Variants in GPR143 observed in about 807,000 individuals in gnomAD.
GPR143 encodes G-protein coupled receptor 143.
In GPR143, 8 loss-of-function variants were observed where a neutral mutation model predicts 27.6. That is an observed-to-expected ratio of 0.29 (90% CI 0.17 to 0.52). The LOEUF is 0.52. Ranked by LOEUF, GPR143 falls within the 20% of genes least tolerant of loss-of-function variation. GPR143 has a pLI of 0.96. For missense variants in GPR143, 303 were observed against 343.1 expected, an observed-to-expected ratio of 0.88 and a Z score of 0.92; for synonymous variants, 156 against 153.2, an observed-to-expected ratio of 1.02 and a Z score of -0.13.
Position 9,746,137 on chromosome X carries a change from C to G in GPR143, c.565G>C (p.Asp189His), listed in dbSNP as rs2083427663. 1 of 1,183,607 alleles carries G rather than the reference C, an allele frequency of 8.4e-7. No homozygotes were observed. The highest frequency in any genetic ancestry group is 3.0e-5 in the East Asian group (1 of 33,652). ...GTGACATAGTGGGGGATGGCGTGGT[C>G]CAGGCCCCGCTCACACCTGAGAGAG... ...PSVSRCERGL[D>H]HAIPHYVTMY... is the part of the protein sequence containing the mutation. The change falls in exon 5 of 9, where the codon GAC becomes CAC. Residue 189 changes from aspartate to histidine, a missense_variant. Coordinates refer to ENST00000467482, the MANE Select transcript of GPR143 (RefSeq NM_000273.3).
chrX:9,764,504 G>GCACACA (rs201690882), intron 1 of GPR143, among the ~76,000 whole-genome samples: 88 of 99,092 alleles, frequency 8.9e-4, no homozygotes, highest in East Asian at 2.7e-3. Context: ...TTACACACGC[G>GCACACA]CACACACACA....
intron 8 of GPR143, among the ~76,000 whole-genome samples, chrX:9,736,956 T>A (rs772273405): frequency 1.2e-4 from 13 of 111,985 alleles, no homozygotes; most frequent in African/African-American, 4.2e-4. Flanking sequence ...CCCACTCAGC[T>A]CCTAGTACAC....
intron 8 of GPR143, among the ~76,000 whole-genome samples, chrX:9,731,417 A>G (rs1258341159): frequency 9.0e-6 from 1 of 110,520 alleles, no homozygotes; most frequent in East Asian, 2.8e-4. Context: ...GTGGAGATGT[A>G]CAAGAATGAT....
At chrX:9,734,594 C>T (rs1387880346) in intron 8 of GPR143, among the ~76,000 whole-genome samples, 1 of 112,242 alleles carries the variant, frequency 8.9e-6, no homozygotes, top group African/African-American at 3.2e-5. Context: ...AAGCCCTAAG[C>T]CTCAGCCTCA....
upstream of GPR143, among the ~76,000 whole-genome samples, chrX:9,767,207 G>T (rs1299367581): frequency 9.2e-6 from 1 of 108,751 alleles, no homozygotes; most frequent in Non-Finnish European, 1.9e-5. Context: ...GCTGAAAATA[G>T]AAGTGCTCCT....
rs371336539 is a variant in GPR143 at position 9,773,616 on chromosome X, T to C, written c.-3+12626A>G. Among the ~76,000 whole-genome samples the C allele has an allele frequency of 9.0e-5, 10 of 111,505 alleles. No individual in the cohort carries two copies. In the East Asian group the frequency reaches 1.1e-3, roughly 13 times the overall value. On this transcript the variant is annotated intron_variant, in intron 1 of 7. Coordinates refer to the GPR143 transcript ENST00000447366. ...GCCCTGGAGTGGTGCTTCACACCTATAATCTCAGCACTTTGGGAGGCCGAG... is the reference window on the plus strand; with the variant it reads ...GCCCTGGAGTGGTGCTTCACACCTACAATCTCAGCACTTTGGGAGGCCGAG...
In GPR143 at chrX:9,725,649, T is replaced by C; in HGVS notation, c.*97A>G. 1.5e-6 allele frequency: 1 copy of C among 656,928 alleles called. No individual in the cohort carries two copies. Among genetic ancestry groups the C allele is most frequent in the Non-Finnish European group, 2.5e-6 (1 of 407,571 alleles). The allele number at this position is 656,928 out of a possible 1,213,427, so 54.1% of individuals were successfully genotyped here. On this transcript the variant is annotated 3_prime_UTR_variant, in exon 9 of 9. Coordinates refer to ENST00000467482, the MANE Select transcript of GPR143 (RefSeq NM_000273.3). ...AGCAAGGTTTGGGGGCCGCTACACTTCGGCAGTGCAGTGTTGGGAAGGTGA... is the reference window on the plus strand; with the variant it reads ...AGCAAGGTTTGGGGGCCGCTACACTCCGGCAGTGCAGTGTTGGGAAGGTGA...
chrX:9,772,961 A>G (rs2083559439), intron 1 of GPR143, among the ~76,000 whole-genome samples: 2 of 101,548 alleles, frequency 2.0e-5, no homozygotes, highest in South Asian at 9.0e-4. Context: ...CAAGACAGAT[A>G]TGAAAAGCTG....
upstream of GPR143, among the ~76,000 whole-genome samples, chrX:9,768,185 G>C (rs2083542073): frequency 8.9e-6 from 1 of 111,882 alleles, no homozygotes. Flanking sequence ...AAGCATGAGT[G>C]TAAGACTAAA....
intron 5 of GPR143, among the ~76,000 whole-genome samples, chrX:9,745,071 G>A (rs1417722956): frequency 8.9e-6 from 1 of 111,967 alleles, no homozygotes; most frequent in Non-Finnish European, 1.9e-5. Flanking sequence ...GGCCAACATA[G>A]TGAAACCCCG....
chrX:9,733,376 G>T (rs774234316), intron 8 of GPR143, among the ~76,000 whole-genome samples: 2 of 110,223 alleles, frequency 1.8e-5, no homozygotes, highest in Non-Finnish European at 3.8e-5. Flanking sequence ...GAGATGCAAG[G>T]CATTTATGGA....
At chrX:9,776,397 AT>A (rs757826288) in intron 1 of GPR143, among the ~76,000 whole-genome samples, 1 of 111,067 alleles carries the variant, frequency 9.0e-6, no homozygotes, top group South Asian at 3.8e-4. Flanking sequence ...AATTTGTGAC[AT>A]TTCTTCTTTT....
intron 8 of GPR143, among the ~76,000 whole-genome samples, chrX:9,726,655 G>A (rs189334994): frequency 3.6e-5 from 4 of 112,073 alleles, no homozygotes; most frequent in Admixed American, 9.5e-5. Context: ...GTTTGCTTCC[G>A]TGCCCAATGT....
At chrX:9,770,373 CA>C (rs2083550786), upstream of GPR143, among the ~76,000 whole-genome samples, 1 of 102,399 alleles carries the variant, frequency 9.8e-6, no homozygotes, top group South Asian at 4.4e-4. Flanking sequence ...CCAGCCAATA[CA>C]TAAGTCCATG....
chrX:9,726,481 T>G (rs1218370420), intron 8 of GPR143, among the ~76,000 whole-genome samples: 3 of 111,864 alleles, frequency 2.7e-5, no homozygotes, highest in Non-Finnish European at 5.6e-5. Context: ...GCCTGGTAAC[T>G]CTGTCAAATT....
At chrX:9,762,246 C>A (rs1163086321) in intron 1 of GPR143, among the ~76,000 whole-genome samples, 1 of 109,666 alleles carries the variant, frequency 9.1e-6, no homozygotes, top group African/African-American at 3.3e-5. Context: ...AAAAATTAGC[C>A]AGGCACGGTG....
intron 3 of GPR143, among the ~76,000 whole-genome samples, chrX:9,749,115 G>A (rs931785480): frequency 1.8e-5 from 2 of 111,932 alleles, no homozygotes; most frequent in African/African-American, 3.3e-5. Context: ...GTTGGAGGAC[G>A]GAAATGACCA....
At chrX:9,725,978 TGCA>T in intron 8 of GPR143, 138 bp from the exon 9 acceptor site, 1 of 403,855 alleles carries the variant, frequency 2.5e-6, no homozygotes, top group South Asian at 1.4e-4. Context: ...TCATCTCATC[TGCA>T]AAAAAAAAAA....
intron 1 of GPR143, among the ~76,000 whole-genome samples, chrX:9,771,350 C>T (rs1405509383): frequency 9.0e-6 from 1 of 111,694 alleles, no homozygotes; most frequent in Non-Finnish European, 1.9e-5. Flanking sequence ...CCTGAGTCAC[C>T]TCACCCAGAC....
Sources: allele counts gnomAD v4.1 joint callset (sites outside exome capture counted in the v4.1 genomes callset), GRCh38; gene constraint gnomAD v4.1.1; transcripts MANE v1.5; gene names NCBI Gene and HGNC (gene_info 2026-07-23, HGNC 2026-07-21).